PTPRD: variants seen among roughly 807,000 people sequenced by gnomAD.
The protein encoded by PTPRD is receptor-type tyrosine-protein phosphatase delta.
PTPRD carries 34 observed loss-of-function variants against 214.5 expected under a neutral mutation model. The ratio of observed to expected loss-of-function variants is 0.16; its 90% CI spans 0.12 to 0.21. The LOEUF (loss-of-function observed/expected upper bound fraction) is 0.21, where lower values mean the gene tolerates loss of function less well. Ranked by LOEUF, PTPRD falls within the 10% of genes least tolerant of loss-of-function variation. PTPRD has a pLI of 1.00. For missense variants in PTPRD, 2,545 were observed against 2,398.7 expected, an observed-to-expected ratio of 1.06 and a Z score of -1.27; for synonymous variants, 1,128 against 845.7, an observed-to-expected ratio of 1.33 and a Z score of -5.79.
At chr9:10,482,455 C>A (rs868434364) in intron 2 of PTPRD, among the ~76,000 whole-genome samples, 25 of 151,738 alleles carry the variant, frequency 1.6e-4, no homozygotes, top group African/African-American at 5.6e-4. Context: ...AAATAAAGGG[C>A]ATTCAAATTG....
At chr9:8,438,502 T>C (rs1590439758) in intron 34 of PTPRD, among the ~76,000 whole-genome samples, 2 of 152,312 alleles carry the variant, frequency 1.3e-5, no homozygotes, top group East Asian at 1.9e-4. Context: ...TGAAATAATT[T>C]ACATTCTATG....
chr9:8,841,697 G>A (rs995613024), intron 11 of PTPRD, among the ~76,000 whole-genome samples: 1 of 109,232 alleles, frequency 9.2e-6, no homozygotes, highest in African/African-American at 3.9e-5. Flanking sequence ...CATACTTAGA[G>A]TCTCAGAAGT....
intron 4 of PTPRD, among the ~76,000 whole-genome samples, chr9:9,960,099 C>G (rs1362996678): frequency 6.6e-6 from 1 of 151,610 alleles, no homozygotes. Flanking sequence ...AAACGACTGA[C>G]TCTAGGTCTG....
At chr9:10,495,788 A>G (rs1034243037) in intron 2 of PTPRD, among the ~76,000 whole-genome samples, 16 of 151,832 alleles carry the variant, frequency 1.1e-4, no homozygotes, top group Non-Finnish European at 1.8e-4. Flanking sequence ...TTAAAATGTG[A>G]AACATTTAAA....
intron 4 of PTPRD, among the ~76,000 whole-genome samples, chr9:9,946,970 T>C (rs1162995638): frequency 6.6e-6 from 1 of 151,938 alleles, no homozygotes; most frequent in African/African-American, 2.4e-5. Context: ...ATTAAAATCC[T>C]GATTTTGGAA....
intron 23 of PTPRD, among the ~76,000 whole-genome samples, chr9:8,501,831 C>G (rs2097416950): frequency 6.6e-6 from 1 of 152,150 alleles, no homozygotes; most frequent in Non-Finnish European, 1.5e-5. Flanking sequence ...CAGCTTTCAG[C>G]TTTTTAATTA....
In PTPRD at chr9:9,434,772, A is replaced by T. The variant is rs373919173; in HGVS notation, c.-236-37290T>A. 4.0e-4 allele frequency among the ~76,000 whole-genome samples: 60 copies of T among 151,062 alleles called. No homozygotes were observed. The East Asian group carries it at 9.1e-3, about 23-fold the overall frequency. The stretch of plus-strand genomic sequence containing the variant: ...CAATTACAATGTGTCAGTTATGCAC[A>T]TTTTATTTAGGTTGCTCTGGTCTCA... On this transcript the variant is annotated intron_variant, in intron 8 of 45. Transcript: ENST00000381196.
chr9:10,010,740 T>A (rs1300351151), intron 4 of PTPRD, among the ~76,000 whole-genome samples: 1 of 151,978 alleles, frequency 6.6e-6, no homozygotes, highest in Non-Finnish European at 1.5e-5. Flanking sequence ...TGAAAACAAT[T>A]TTATTTAGAT....
intron 14 of PTPRD, among the ~76,000 whole-genome samples, chr9:8,550,127 T>C (rs10977196): frequency 0.088 from 13,332 of 152,192 alleles, 819 homozygotes; most frequent in East Asian, 0.22. Context: ...TTTGAAAAAT[T>C]TAGGGTCCAA....
intron 10 of PTPRD, among the ~76,000 whole-genome samples, chr9:9,106,274 T>C (rs1420375498): frequency 2.0e-5 from 3 of 152,022 alleles, no homozygotes; most frequent in African/African-American, 7.2e-5. Flanking sequence ...GTACACAGGA[T>C]TTGGAAATGA....
chr9:9,719,862 C>A (rs765725652), intron 7 of PTPRD, among the ~76,000 whole-genome samples: 3 of 152,182 alleles, frequency 2.0e-5, no homozygotes, highest in Non-Finnish European at 2.9e-5. Flanking sequence ...TACACCTGGT[C>A]CAGTCTCAGT....
intron 32 of PTPRD, among the ~76,000 whole-genome samples, chr9:8,464,320 A>C (rs1034908054): frequency 1.3e-5 from 2 of 152,024 alleles, no homozygotes; most frequent in African/African-American, 4.8e-5. Flanking sequence ...TTAACATTCC[A>C]TTCCCTTGAT....
At chr9:9,715,218 C>A (rs2097797008) in intron 7 of PTPRD, among the ~76,000 whole-genome samples, 1 of 152,130 alleles carries the variant, frequency 6.6e-6, no homozygotes, top group African/African-American at 2.4e-5. Context: ...TATGGTACTG[C>A]AATTTATGAC....
intron 7 of PTPRD, among the ~76,000 whole-genome samples, chr9:9,581,439 C>G (rs1295057455): frequency 6.6e-6 from 1 of 152,062 alleles, no homozygotes; most frequent in East Asian, 1.9e-4. Flanking sequence ...TAAAAAATAA[C>G]AACTTTGAAC....
rs148502528 is a variant in PTPRD, at chr9:9,097,545, A to G, written c.-142-78810T>C. Among the ~76,000 whole-genome samples the G allele has an allele frequency of 6.3e-4, 95 of 151,998 alleles. 1 individual carries two copies. In the East Asian group the frequency reaches 0.018, roughly 28 times the overall value. The stretch of plus-strand genomic sequence containing the variant: ...TTCCTCAGCCTCCCAAGCAGCTGGG[A>G]CTACAGGCACCTGCCACCATGCCAG... On this transcript the variant is annotated intron_variant, in intron 10 of 45. Transcript: ENST00000381196.
chr9:9,288,292 T>TTATGC (rs1336737870), intron 9 of PTPRD, among the ~76,000 whole-genome samples: 2 of 151,934 alleles, frequency 1.3e-5, no homozygotes, highest in Non-Finnish European at 1.5e-5. Flanking sequence ...TTTATCCATA[T>TTATGC]TATGCTATGC....
intron 5 of PTPRD, among the ~76,000 whole-genome samples, chr9:9,801,358 CA>C (rs1470211781): frequency 7.3e-5 from 11 of 151,624 alleles, no homozygotes; most frequent in Non-Finnish European, 1.6e-4. Context: ...AAGTAACTTT[CA>C]GTATAAAACA....
At chr9:8,654,610 T>C (rs1419699344) in intron 12 of PTPRD, among the ~76,000 whole-genome samples, 5 of 152,176 alleles carry the variant, frequency 3.3e-5, no homozygotes, top group East Asian at 1.9e-4. Context: ...AAAAGATACA[T>C]ACAAAGATTA....
intron 8 of PTPRD, among the ~76,000 whole-genome samples, chr9:9,486,371 G>A (rs1279797772): frequency 6.6e-6 from 1 of 151,904 alleles, no homozygotes; most frequent in Non-Finnish European, 1.5e-5. Flanking sequence ...CAAGGCAACA[G>A]TATTCTTATT....
Sources: allele counts gnomAD v4.1 joint callset (sites outside exome capture counted in the v4.1 genomes callset), GRCh38; gene constraint gnomAD v4.1.1; transcripts MANE v1.5; gene names NCBI Gene and HGNC (gene_info 2026-07-23, HGNC 2026-07-21).